The following SLC5A4 variants were observed in gnomAD, a reference collection of about 807,000 sequenced individuals.
SLC5A4 encodes the protein probable glucose sensor protein SLC5A4.
In SLC5A4, 55 loss-of-function variants were observed where a neutral mutation model predicts 70.3. The ratio of observed to expected loss-of-function variants is 0.78; its 90% confidence interval spans 0.63 to 0.98. The LOEUF (loss-of-function observed/expected upper bound fraction) is 0.98. Ranked by LOEUF, SLC5A4 falls within the 50% of genes least tolerant of loss-of-function variation. The pLI is 0.00. For missense variants in SLC5A4, 735 were observed against 839.2 expected (o/e 0.88, Z 1.53); for synonymous variants, 268 against 305.7 (o/e 0.88, Z 1.29).
chr22:32,317,683 C>A, the SLC5A4 span, among the ~76,000 whole-genome samples: 11 of 152,170 alleles, frequency 7.2e-5, no homozygotes, highest in Non-Finnish European at 1.5e-4. Context: ...CCAGGCTGAT[C>A]TTGATCTCCT....
chr22:32,338,790 G>A, the SLC5A4 span, among the ~76,000 whole-genome samples: 1 of 152,142 alleles, frequency 6.6e-6, no homozygotes, highest in Non-Finnish European at 1.5e-5. Context: ...TGCTGAAATC[G>A]AGACCCATAA....
chr22:32,292,978 T>G, the SLC5A4 span, among the ~76,000 whole-genome samples: 2 of 152,214 alleles, frequency 1.3e-5, no homozygotes, highest in South Asian at 4.1e-4. Flanking sequence ...CAATTTAAGA[T>G]AGTGACATTT....
intron 8 of SLC5A4, among the ~76,000 whole-genome samples, chr22:32,233,672 T>G (rs1925892172): frequency 1.3e-5 from 2 of 152,070 alleles, no homozygotes; most frequent in South Asian, 2.1e-4. Context: ...AATGAAAAAT[T>G]AAAAATTGGC....
At chr22:32,288,217 G>C in the SLC5A4 span, among the ~76,000 whole-genome samples, 1 of 152,158 alleles carries the variant, frequency 6.6e-6, no homozygotes, top group Non-Finnish European at 1.5e-5. Context: ...TCTTGAGAAA[G>C]TGAGAGTATG....
At chr22:32,328,841 G>A in the SLC5A4 span, among the ~76,000 whole-genome samples, 1 of 152,240 alleles carries the variant, frequency 6.6e-6, no homozygotes, top group African/African-American at 2.4e-5. Context: ...GGATCTTGGA[G>A]ATTGTGCATC....
intron 5 of SLC5A4, among the ~76,000 whole-genome samples, chr22:32,239,554 A>ATATATATATATATATATATATATATT (rs1926322052): frequency 5.9e-5 from 1 of 16,856 alleles, no homozygotes; most frequent in Non-Finnish European, 9.0e-5. Flanking sequence ...ATATATATAT[A>ATATATATATATATATATATATATATT]TATATATATA....
At chr22:32,282,522 C>T in the SLC5A4 span, among the ~76,000 whole-genome samples, 1 of 152,174 alleles carries the variant, frequency 6.6e-6, no homozygotes, top group Non-Finnish European at 1.5e-5. Flanking sequence ...CTTACTGTAC[C>T]TTGTTTTATT....
At chr22:32,318,477 C>T in the SLC5A4 span, among the ~76,000 whole-genome samples, 2 of 152,190 alleles carry the variant, frequency 1.3e-5, no homozygotes, top group Non-Finnish European at 2.9e-5. Context: ...ACAACTCCAT[C>T]CTGTCAGTTG....
At chr22:32,265,321 G>A in the SLC5A4 span, among the ~76,000 whole-genome samples, 1 of 152,132 alleles carries the variant, frequency 6.6e-6, no homozygotes, top group South Asian at 2.1e-4. Context: ...CCAGGAGTTC[G>A]AGGCTACAGT....
chr22:32,251,701 C>T (rs1304737308), intron 3 of SLC5A4, 69 bp downstream of exon 3: 8 of 907,006 alleles, frequency 8.8e-6, no homozygotes, highest in Non-Finnish European at 1.5e-5. Context: ...TCTGTCATAG[C>T]AGCATAAAAC....
intron 5 of SLC5A4, among the ~76,000 whole-genome samples, chr22:32,242,473 G>A (rs185599008): frequency 1.3e-5 from 2 of 152,292 alleles, no homozygotes; most frequent in East Asian, 3.9e-4. Context: ...ACTTTGGGAG[G>A]CCAAGGCGGG....
chr22:32,227,169 T>TG (rs1183817212), intron 11 of SLC5A4, among the ~76,000 whole-genome samples: 1 of 152,236 alleles, frequency 6.6e-6, no homozygotes, highest in Non-Finnish European at 1.5e-5. Flanking sequence ...ACATGTTTTT[T>TG]TCCTATTTGT....
chr22:32,256,821 G>C (rs1204454737), upstream of SLC5A4, among the ~76,000 whole-genome samples: 3 of 152,116 alleles, frequency 2.0e-5, no homozygotes, highest in African/African-American at 7.2e-5. Flanking sequence ...TTCAACTGTT[G>C]ATGGGCATTC....
the SLC5A4 span, among the ~76,000 whole-genome samples, chr22:32,330,213 T>C: frequency 9.2e-5 from 12 of 129,972 alleles, 1 homozygote; most frequent in Middle Eastern, 4.1e-3. Flanking sequence ...CCTGTGTGTA[T>C]TGCGGGCTCT....
At chr22:32,234,792 A>G (rs1925961858) in intron 8 of SLC5A4, 81 bp downstream of exon 8, 1 of 1,006,910 alleles carries the variant, frequency 9.9e-7, no homozygotes, top group Non-Finnish European at 1.5e-6. Context: ...TCTATGAGAC[A>G]AGAAAGAACA....
chr22:32,254,015 A>G lies in SLC5A4; in HGVS notation c.207+127T>C, dbSNP rs1927320555. 4 of 775,712 alleles carry G rather than the reference A, an allele frequency of 5.2e-6. No individual in the cohort carries two copies. The Admixed American group carries it at 7.0e-5, about 14-fold the overall frequency. The allele number at this position is 775,712 out of a possible 1,614,324, so 48.1% of individuals were successfully genotyped here. A position where few individuals can be genotyped will look rare whatever the true frequency, so the allele number is the denominator to read the frequency against. On this transcript the variant is annotated intron_variant, in intron 2 of 14. Coordinates refer to ENST00000266086, the MANE Select transcript of SLC5A4 (RefSeq NM_014227.3). ...AGGCTGGTCTCGAACTCCTGACCTC[A>G]GATGATCTGCCAGCCTTGGCCTCCC...
At chr22:32,238,692 T>G (rs968695650) in intron 6 of SLC5A4, among the ~76,000 whole-genome samples, 14 of 152,182 alleles carry the variant, frequency 9.2e-5, no homozygotes, top group African/African-American at 3.1e-4. Flanking sequence ...GTGGATGATA[T>G]GCTGAATTCG....
intron 3 of SLC5A4, among the ~76,000 whole-genome samples, chr22:32,249,499 A>G (rs1157070636): frequency 2.0e-5 from 3 of 152,186 alleles, no homozygotes; most frequent in Non-Finnish European, 4.4e-5. Flanking sequence ...AGCTCCAGCC[A>G]TAGGGCATAT....
At chr22:32,275,166 CTT>C in the SLC5A4 span, among the ~76,000 whole-genome samples, 1 of 152,280 alleles carries the variant, frequency 6.6e-6, no homozygotes, top group African/African-American at 2.4e-5. Context: ...AAAATCGACT[CTT>C]GATTAATTGA....
Sources: allele counts gnomAD v4.1 joint callset (sites outside exome capture counted in the v4.1 genomes callset), GRCh38; gene constraint gnomAD v4.1.1; transcripts MANE v1.5; gene names NCBI Gene and HGNC (gene_info 2026-07-23, HGNC 2026-07-21).